The following RNGTT variants were observed in gnomAD, a reference collection of about 807,000 sequenced individuals.
RNGTT encodes the protein RNA guanylyltransferase and 5'-phosphatase.
RNGTT carries 33 observed loss-of-function variants against 79.3 expected under a neutral mutation model. The observed-to-expected ratio is 0.42, with a 90% CI of 0.32 to 0.56. RNGTT has a LOEUF of 0.56. Among genes scored for constraint, RNGTT ranks in the 20% least tolerant of loss-of-function variants. RNGTT has a pLI of 0.17. For synonymous variants in RNGTT, 222 were observed against 235.9 expected (o/e 0.94, Z 0.54); for missense variants, 497 against 739.1 (o/e 0.67, Z 3.80).
chr6:88,923,835 T>G (rs1247169660), intron 4 of RNGTT, among the ~76,000 whole-genome samples: 1 of 152,148 alleles, frequency 6.6e-6, no homozygotes, highest in Non-Finnish European at 1.5e-5. Context: ...AAAACAGGTG[T>G]TCTATGGCCA....
At chr6:88,706,557 A>G (rs547202472) in intron 13 of RNGTT, among the ~76,000 whole-genome samples, 43 of 152,050 alleles carry the variant, frequency 2.8e-4, no homozygotes, top group Non-Finnish European at 5.6e-4. Flanking sequence ...CCAAGCAGCA[A>G]TCTGAAAGTT....
chr6:88,940,081 TTTC>T (rs1328048487), intron 2 of RNGTT, among the ~76,000 whole-genome samples: 4 of 150,388 alleles, frequency 2.7e-5, no homozygotes, highest in Non-Finnish European at 3.0e-5. Context: ...TTTTTTTTCT[TTTC>T]TTTTTTTTTG....
intron 13 of RNGTT, among the ~76,000 whole-genome samples, chr6:88,733,373 C>G (rs9351172): frequency 0.13 from 19,144 of 149,790 alleles, 1,439 homozygotes; most frequent in Middle Eastern, 0.24. Context: ...CCCCACCCCC[C>G]CTCCAAAAAA....
chr6:88,636,211 C>A (rs950427036), intron 14 of RNGTT, among the ~76,000 whole-genome samples: 1 of 152,036 alleles, frequency 6.6e-6, no homozygotes, highest in Non-Finnish European at 1.5e-5. Flanking sequence ...CTGATACATA[C>A]ATTTGTTGAG....
intron 10 of RNGTT, among the ~76,000 whole-genome samples, chr6:88,848,888 T>G (rs1781575634): frequency 1.3e-5 from 2 of 152,072 alleles, no homozygotes; most frequent in African/African-American, 2.4e-5. Context: ...ACATGAGTAT[T>G]CCTTACATTA....
intron 13 of RNGTT, among the ~76,000 whole-genome samples, chr6:88,725,921 CAGAG>C (rs1776883906): frequency 6.7e-6 from 1 of 150,184 alleles, no homozygotes; most frequent in African/African-American, 2.5e-5. Context: ...CAGAGAGAAA[CAGAG>C]AGAAAGAGAC....
At chr6:88,623,663 C>A (rs897858184) in intron 14 of RNGTT, among the ~76,000 whole-genome samples, 2 of 152,014 alleles carry the variant, frequency 1.3e-5, no homozygotes, top group African/African-American at 2.4e-5. Flanking sequence ...TTTTCCATCC[C>A]ATAAATTCCT....
intron 11 of RNGTT, among the ~76,000 whole-genome samples, chr6:88,819,341 G>C (rs913648635): frequency 1.3e-5 from 2 of 152,056 alleles, no homozygotes; most frequent in Non-Finnish European, 2.9e-5. Flanking sequence ...GGAAAGGCAA[G>C]GCGGGGCTCA....
chr6:88,943,406 T>C (rs990057087), intron 1 of RNGTT, among the ~76,000 whole-genome samples: 1 of 152,154 alleles, frequency 6.6e-6, no homozygotes, highest in African/African-American at 2.4e-5. Flanking sequence ...ATCCCGTAGC[T>C]CCACCTTCAA....
intron 6 of RNGTT, among the ~76,000 whole-genome samples, chr6:88,901,495 C>CTTTTTATTTTTTTTTTTTTTTT (rs1783459387): frequency 1.5e-5 from 1 of 65,776 alleles, no homozygotes; most frequent in Non-Finnish European, 2.7e-5. Flanking sequence ...GCACCCTGAT[C>CTTTTTATTTTTTTTTTTTTTTT]TTTTTTTTTT....
intron 13 of RNGTT, among the ~76,000 whole-genome samples, chr6:88,712,602 G>A (rs1006634731): frequency 6.6e-6 from 1 of 152,194 alleles, no homozygotes; most frequent in African/African-American, 2.4e-5. Context: ...ACAAGCTGGT[G>A]TGCCTGATAA....
chr6:88,688,485 A>G (rs1156521680), intron 13 of RNGTT, among the ~76,000 whole-genome samples: 1 of 152,186 alleles, frequency 6.6e-6, no homozygotes, highest in Non-Finnish European at 1.5e-5. Flanking sequence ...ATTTCTAACT[A>G]TCATTCACCA....
intron 13 of RNGTT, among the ~76,000 whole-genome samples, chr6:88,721,387 C>T (rs1183896325): frequency 6.6e-6 from 1 of 152,072 alleles, no homozygotes; most frequent in Non-Finnish European, 1.5e-5. Context: ...TTCCTCCTTG[C>T]CCCCACAACT....
intron 14 of RNGTT, among the ~76,000 whole-genome samples, chr6:88,677,236 A>G (rs1018848268): frequency 4.6e-5 from 7 of 152,080 alleles, no homozygotes; most frequent in African/African-American, 1.4e-4. Context: ...AGAAAATGCA[A>G]ATTAATCTAT....
rs572294844 is a variant in RNGTT, at chr6:88,798,301, C to A, written c.1338+3263G>T. Reference sequence around the variant, plus strand: ...GCAACAAGGCAAAACCCCGTATCTACGAAAAATACAAAAATTAGCAAGGCG... The same window carrying A: ...GCAACAAGGCAAAACCCCGTATCTAAGAAAAATACAAAAATTAGCAAGGCG... On this transcript the variant is annotated intron_variant, in intron 12 of 15. Coordinates refer to ENST00000369485, the MANE Select transcript of RNGTT (RefSeq NM_003800.5). Among the ~76,000 whole-genome samples the A allele has an allele frequency of 2.1e-3, 325 of 151,914 alleles. 1 individual carries two copies. The highest frequency in any genetic ancestry group is 0.015 in the South Asian group (70 of 4,806).
At chr6:88,864,900 GAATGGAGAAC>G (rs1464215588) in intron 8 of RNGTT, among the ~76,000 whole-genome samples, 3 of 152,094 alleles carry the variant, frequency 2.0e-5, no homozygotes, top group African/African-American at 7.2e-5. Flanking sequence ...ATCAGAGACA[GAATGGAGAAC>G]AGTGGTTGCC....
intron 13 of RNGTT, among the ~76,000 whole-genome samples, chr6:88,726,389 C>CCAAAAA (rs1269707735): frequency 4.0e-5 from 4 of 99,542 alleles, no homozygotes; most frequent in Non-Finnish European, 7.7e-5. Context: ...ATCCTAAGTC[C>CCAAAAA]AAAAAAAAAA....
chr6:88,757,778 G>C (rs1399402420), intron 13 of RNGTT, among the ~76,000 whole-genome samples: 1 of 152,126 alleles, frequency 6.6e-6, no homozygotes, highest in Non-Finnish European at 1.5e-5. Flanking sequence ...ATATTTTGAA[G>C]TCACACTATA....
chr6:88,930,364 A>G (rs1784480533), intron 2 of RNGTT, among the ~76,000 whole-genome samples: 1 of 151,882 alleles, frequency 6.6e-6, no homozygotes, highest in Non-Finnish European at 1.5e-5. Context: ...AATCTTATTA[A>G]GAAGATGGTA....
Sources: allele counts gnomAD v4.1 joint callset (sites outside exome capture counted in the v4.1 genomes callset), GRCh38; gene constraint gnomAD v4.1.1; transcripts MANE v1.5; gene names NCBI Gene and HGNC (gene_info 2026-07-23, HGNC 2026-07-21).